PLD5: variants seen among roughly 807,000 people sequenced by gnomAD.
PLD5 encodes the protein phospholipase D family member 5, also known as inactive phospholipase D5.
A neutral mutation model predicts 61.1 loss-of-function variants in PLD5; 36 were observed. The observed-to-expected ratio is 0.59, with a 90% CI of 0.45 to 0.78. The LOEUF (loss-of-function observed/expected upper bound fraction) is 0.78. PLD5 is among the 30% of genes least tolerant of loss of function. PLD5 has a pLI of 0.00. For synonymous variants in PLD5, 243 were observed against 242.8 expected (o/e 1.00, Z -0.01); for missense variants, 515 against 644.4 (o/e 0.80, Z 2.17).
intron 5 of PLD5, among the ~76,000 whole-genome samples, chr1:242,213,369 T>C (rs1669949612): frequency 2.6e-5 from 4 of 152,192 alleles, no homozygotes. Context: ...TTATGGATGA[T>C]ATTTTACTAG....
intron 1 of PLD5, among the ~76,000 whole-genome samples, chr1:242,512,255 CAAA>C (rs55735206): frequency 1.6e-5 from 2 of 125,608 alleles, no homozygotes; most frequent in Non-Finnish European, 1.7e-5. Flanking sequence ...ACTAAAAATA[CAAA>C]AAAAAAAAAA....
chr1:242,291,011 A>T (rs1675330403), intron 2 of PLD5, among the ~76,000 whole-genome samples: 1 of 152,204 alleles, frequency 6.6e-6, no homozygotes, highest in Non-Finnish European at 1.5e-5. Context: ...AGTGTTTACC[A>T]GCCTGGCCTG....
intron 2 of PLD5, among the ~76,000 whole-genome samples, chr1:242,333,125 G>T (rs1292409614): frequency 6.6e-6 from 1 of 152,196 alleles, no homozygotes; most frequent in Non-Finnish European, 1.5e-5. Context: ...GAGCGTGGAA[G>T]TTGCTAAAAG....
chr1:242,489,832 T>C (rs12070101), intron 1 of PLD5, among the ~76,000 whole-genome samples: 1 of 152,276 alleles, frequency 6.6e-6, no homozygotes, highest in East Asian at 1.9e-4. Context: ...AAAGGAGAGA[T>C]CATTTCCCGC....
At chr1:242,128,234 G>A (rs764010664) in intron 5 of PLD5, among the ~76,000 whole-genome samples, 14 of 151,766 alleles carry the variant, frequency 9.2e-5, no homozygotes, top group Non-Finnish European at 1.6e-4. Flanking sequence ...GAGCCCAGGA[G>A]TTCAAGGCTG....
At chr1:242,202,980 G>A (rs2653165) in intron 5 of PLD5, among the ~76,000 whole-genome samples, 101,357 of 151,702 alleles carry the variant, frequency 0.67, 34,572 homozygotes, top group East Asian at 0.92. Context: ...TAGCTGGATC[G>A]TATATAAAAA....
At chr1:242,440,442 G>A (rs1666219695) in intron 1 of PLD5, among the ~76,000 whole-genome samples, 1 of 152,112 alleles carries the variant, frequency 6.6e-6, no homozygotes, top group South Asian at 2.1e-4. Flanking sequence ...TAAATCATCA[G>A]TGCTTGATGC....
intron 2 of PLD5, among the ~76,000 whole-genome samples, chr1:242,296,110 G>A (rs2149150227): frequency 6.6e-6 from 1 of 152,272 alleles, no homozygotes; most frequent in East Asian, 1.9e-4. Flanking sequence ...GAATCTCAGT[G>A]ACATGCTGTG....
chr1:242,234,942 C>A (rs866949880), intron 4 of PLD5, among the ~76,000 whole-genome samples: 7 of 152,006 alleles, frequency 4.6e-5, no homozygotes, highest in African/African-American at 1.7e-4. Flanking sequence ...GTTGCTTATG[C>A]CACTTAGCAG....
Position 242,418,528 on chromosome 1 carries a change from C to T in PLD5, c.190-70286G>A, listed in dbSNP as rs114486989. Among the ~76,000 whole-genome samples, 1,275 of 152,160 alleles carry T rather than the reference C, an allele frequency of 8.4e-3. 16 individuals are homozygous for T. The highest frequency in any genetic ancestry group is 0.028 in the African/African-American group (1,180 of 41,508). On this transcript the variant is annotated intron_variant, in intron 1 of 9. Transcript: ENST00000536534. ...TCACTTCAATAGTCAGACATCAGCA[C>T]TACGAGGTAAAATCAGCAAAGGAGA...
intron 3 of PLD5, among the ~76,000 whole-genome samples, chr1:242,265,655 G>T (rs1201745071): frequency 3.9e-5 from 6 of 152,152 alleles, no homozygotes; most frequent in Middle Eastern, 3.2e-3. Context: ...TGCACTTTTT[G>T]GGGGGTATTG....
intron 2 of PLD5, among the ~76,000 whole-genome samples, chr1:242,303,020 A>C (rs2149163319): frequency 6.6e-6 from 1 of 152,266 alleles, no homozygotes; most frequent in South Asian, 2.1e-4. Flanking sequence ...GAATATCAGA[A>C]TCTGTGATGA....
At chr1:242,513,799 C>G (rs1437895220) in intron 1 of PLD5, among the ~76,000 whole-genome samples, 1 of 152,212 alleles carries the variant, frequency 6.6e-6, no homozygotes, top group Non-Finnish European at 1.5e-5. Context: ...ATTCTTGTGT[C>G]CATCATGCCA....
chr1:242,134,988 G>C (rs1663597601), intron 5 of PLD5, among the ~76,000 whole-genome samples: 1 of 152,234 alleles, frequency 6.6e-6, no homozygotes, highest in Admixed American at 6.5e-5. Flanking sequence ...TTAGTGGATA[G>C]AGCAAGGACT....
intron 2 of PLD5, among the ~76,000 whole-genome samples, chr1:242,327,813 C>T (rs368129111): frequency 6.6e-6 from 1 of 152,104 alleles, no homozygotes; most frequent in Non-Finnish European, 1.5e-5. Context: ...TATCAAGAAC[C>T]AGGCACAGTG....
intron 2 of PLD5, among the ~76,000 whole-genome samples, chr1:242,297,896 C>G (rs1393970751): frequency 6.6e-6 from 1 of 152,022 alleles, no homozygotes; most frequent in African/African-American, 2.4e-5. Context: ...GCCTCGGCCT[C>G]CCAAAGTGCT....
chr1:242,253,593 G>A (rs1205849221), intron 4 of PLD5, among the ~76,000 whole-genome samples: 4 of 152,194 alleles, frequency 2.6e-5, no homozygotes, highest in Middle Eastern at 3.4e-3. Flanking sequence ...GATTACAGGC[G>A]TGAGCCACCG....
chr1:242,385,518 C>G lies in PLD5; in HGVS notation c.190-37276G>C, dbSNP rs1662547214. On this transcript the variant is annotated intron_variant, in intron 1 of 9. Transcript: ENST00000536534. ...CAATAAATAGCATGGGCTCCCAGAGCTTGGGGCCTTCGCAGCCTCCATGAT... is the reference window on the plus strand; with the variant it reads ...CAATAAATAGCATGGGCTCCCAGAGGTTGGGGCCTTCGCAGCCTCCATGAT... 2.0e-5 allele frequency among the ~76,000 whole-genome samples: 3 copies of G among 152,310 alleles called. No homozygotes were observed. In the South Asian group the frequency reaches 6.2e-4, roughly 32 times the overall value.
At chr1:242,501,957 T>C (rs1344427088) in intron 1 of PLD5, among the ~76,000 whole-genome samples, 1 of 152,072 alleles carries the variant, frequency 6.6e-6, no homozygotes, top group African/African-American at 2.4e-5. Flanking sequence ...TAATAACATA[T>C]ATTGACTTGT....
Sources: gnomAD v4.1 joint callset for allele counts (sites outside exome capture counted in the v4.1 genomes callset) on GRCh38, gnomAD v4.1.1 for gene constraint, MANE v1.5 for transcripts, NCBI Gene and HGNC (gene_info 2026-07-23, HGNC 2026-07-21) for gene names.